RPS6KA6: variants seen among roughly 807,000 people sequenced by gnomAD.
The protein encoded by RPS6KA6 is ribosomal protein S6 kinase A6, also known as ribosomal protein S6 kinase alpha-6.
Under a neutral mutation model 65.4 loss-of-function variants are expected in RPS6KA6, and 27 were observed. The observed-to-expected ratio is 0.41, with a 90% CI of 0.30 to 0.57. RPS6KA6 has a LOEUF of 0.57. Among genes scored for constraint, RPS6KA6 ranks in the 20% least tolerant of loss-of-function variants. The probability of loss-of-function intolerance (pLI) is 0.24; values close to 1 mark genes in which losing one functional copy is unlikely to be tolerated. For synonymous variants in RPS6KA6, 190 were observed against 184.2 expected, an observed-to-expected ratio of 1.03 and a Z score of -0.26; for missense variants, 486 against 555.6, an observed-to-expected ratio of 0.87 and a Z score of 1.26.
At chrX:84,145,977 C>T (rs1046768098) in intron 5 of RPS6KA6, among the ~76,000 whole-genome samples, 2 of 111,388 alleles carry the variant, frequency 1.8e-5, no homozygotes, top group African/African-American at 6.5e-5. Flanking sequence ...AAATTACTTG[C>T]TGCTACTTTT....
chrX:84,088,126 T>C (rs6622911), intron 20 of RPS6KA6, among the ~76,000 whole-genome samples: 6,795 of 111,719 alleles, frequency 0.061, 223 homozygotes, highest in East Asian at 0.2. Flanking sequence ...CAACAAAGCC[T>C]GTTATTACCC....
chrX:84,175,650 C>G (rs1224037067), intron 1 of RPS6KA6, among the ~76,000 whole-genome samples: 1 of 110,956 alleles, frequency 9.0e-6, no homozygotes, highest in African/African-American at 3.3e-5. Context: ...TGGGAAAGAT[C>G]TATTAGTGAA....
At chrX:84,180,128 C>T (rs1447858947) in intron 1 of RPS6KA6, among the ~76,000 whole-genome samples, 11 of 111,502 alleles carry the variant, frequency 9.9e-5, no homozygotes, top group Non-Finnish European at 1.7e-4. Flanking sequence ...AAGTTCTGTC[C>T]ACTCTGATCC....
intron 18 of RPS6KA6, among the ~76,000 whole-genome samples, chrX:84,101,373 C>T (rs1201315955): frequency 9.0e-6 from 1 of 110,721 alleles, no homozygotes; most frequent in African/African-American, 3.3e-5. Flanking sequence ...TTACAGCTTC[C>T]CAAATGTGAA....
intron 1 of RPS6KA6, among the ~76,000 whole-genome samples, chrX:84,178,177 T>C (rs1200428249): frequency 8.9e-6 from 1 of 112,244 alleles, no homozygotes; most frequent in African/African-American, 3.2e-5. Context: ...TCCCATTTTC[T>C]TGGCAAAGAG....
intron 20 of RPS6KA6, among the ~76,000 whole-genome samples, chrX:84,074,337 C>T (rs1229749411): frequency 9.0e-6 from 1 of 111,396 alleles, no homozygotes; most frequent in Non-Finnish European, 1.9e-5. Context: ...CAGAGTAGAA[C>T]AGTGGTTACT....
intron 20 of RPS6KA6, among the ~76,000 whole-genome samples, chrX:84,071,676 A>C (rs1450598704): frequency 8.9e-6 from 1 of 111,851 alleles, no homozygotes; most frequent in South Asian, 3.7e-4. Context: ...ATGAAAAGAT[A>C]AACACAATTG....
In RPS6KA6 at chrX:84,062,411, G is replaced by A. The variant is rs1337623617; in HGVS notation, c.*1866C>T. ...TCGATTCTGATAGGAAGGCATAACAGCACTAGATAATGACAGAAGGAAAAT... is the reference window on the plus strand; with the variant it reads ...TCGATTCTGATAGGAAGGCATAACAACACTAGATAATGACAGAAGGAAAAT... On this transcript the variant is annotated 3_prime_UTR_variant, in exon 22 of 22. Transcript: ENST00000262752. The A allele has an allele frequency of 9.0e-6, 1 of 110,885 alleles. No individual in the cohort carries two copies. The highest frequency in any genetic ancestry group is 3.3e-5 in the African/African-American group (1 of 30,501). The allele number at this position is 110,885 out of a possible 1,213,427, so 9.1% of individuals were successfully genotyped here. A position where few individuals can be genotyped will look rare whatever the true frequency, so the allele number is the denominator to read the frequency against.
intron 6 of RPS6KA6, among the ~76,000 whole-genome samples, chrX:84,137,275 T>C (rs766676343): frequency 1.8e-5 from 2 of 112,002 alleles, no homozygotes; most frequent in Admixed American, 1.9e-4. Flanking sequence ...GCATTCTATG[T>C]CTTTAAAACT....
At chrX:84,132,518 G>A (rs900598562) in intron 8 of RPS6KA6, among the ~76,000 whole-genome samples, 3 of 110,105 alleles carry the variant, frequency 2.7e-5, no homozygotes, top group Non-Finnish European at 3.8e-5. Context: ...TTCTGTATTC[G>A]AGCTGTACTT....
intron 1 of RPS6KA6, among the ~76,000 whole-genome samples, chrX:84,174,227 A>G (rs944590269): frequency 1.8e-5 from 2 of 111,741 alleles, no homozygotes; most frequent in African/African-American, 6.5e-5. Context: ...ATTAAATTAT[A>G]TAGTTAACAT....
At chrX:84,092,191 T>C (rs1416409515) in intron 20 of RPS6KA6, among the ~76,000 whole-genome samples, 1 of 111,138 alleles carries the variant, frequency 9.0e-6, no homozygotes, top group African/African-American at 3.3e-5. Context: ...TTCCCAGAAC[T>C]TAAAATTATA....
intron 12 of RPS6KA6, among the ~76,000 whole-genome samples, chrX:84,110,460 T>C (rs749572427): frequency 2.7e-4 from 30 of 112,413 alleles, no homozygotes; most frequent in Non-Finnish European, 4.9e-4. Flanking sequence ...GCCCATCATC[T>C]GAAACAACAT....
chrX:84,101,351 T>A (rs769863648), intron 18 of RPS6KA6, among the ~76,000 whole-genome samples: 27 of 110,986 alleles, frequency 2.4e-4, no homozygotes, highest in African/African-American at 8.5e-4. Context: ...ATCCCCATGG[T>A]TAGAATGAAT....
intron 3 of RPS6KA6, among the ~76,000 whole-genome samples, chrX:84,148,855 G>A (rs766104608): frequency 2.0e-4 from 22 of 111,114 alleles, no homozygotes; most frequent in Middle Eastern, 4.7e-3. Flanking sequence ...GGTGGCTGTG[G>A]CAATTTCCTA....
rs1273269017 is a variant in RPS6KA6 at position 84,061,817 on chromosome X, T to A, written c.*2460A>T. 2 of 111,671 alleles carry A rather than the reference T, an allele frequency of 1.8e-5. No individual in the cohort carries two copies. The highest frequency in any genetic ancestry group is 3.8e-5 in the Non-Finnish European group (2 of 53,018). 9.2% of individuals were successfully genotyped at this position (111,671 alleles called of 1,213,427 possible). On this transcript the variant is annotated 3_prime_UTR_variant, in exon 22 of 22. Coordinates refer to ENST00000262752, the MANE Select transcript of RPS6KA6 (RefSeq NM_014496.5). ...GTATTCTAAAGTCTTATAGAAAAGA[T>A]GTGTTTTTACTAGTTAAGCATTGAT...
intron 1 of RPS6KA6, among the ~76,000 whole-genome samples, chrX:84,182,061 TCTCA>T (rs58441349): frequency 0.12 from 8,956 of 76,990 alleles, 550 homozygotes; most frequent in East Asian, 0.5. Context: ...TCTCTCTCTC[TCTCA>T]CACACACACA....
chrX:84,102,284 A>C, intron 17 of RPS6KA6, 86 bp from the exon 18 acceptor site: 1 of 512,553 alleles, frequency 2.0e-6, no homozygotes, highest in Non-Finnish European at 2.8e-6. Flanking sequence ...TAATTAACTA[A>C]ATATCTGAGA....
At chrX:84,169,821 T>C (rs772604976) in intron 1 of RPS6KA6, among the ~76,000 whole-genome samples, 6 of 111,169 alleles carry the variant, frequency 5.4e-5, no homozygotes, top group East Asian at 5.7e-4. Context: ...CACAATAAAT[T>C]TGACAATATT....
Sources: gnomAD v4.1 joint callset for allele counts (sites outside exome capture counted in the v4.1 genomes callset) on GRCh38, gnomAD v4.1.1 for gene constraint, MANE v1.5 for transcripts, NCBI Gene and HGNC (gene_info 2026-07-23, HGNC 2026-07-21) for gene names.